The following NOTCH2NLA variants were observed in gnomAD, a reference collection of about 807,000 sequenced individuals.
NOTCH2NLA encodes the protein notch homolog 2 N-terminal-like protein A.
At chr1:146,228,215 G>T (rs1187983385) in intron 1 of NOTCH2NLA, among the ~76,000 whole-genome samples, 3 of 148,962 alleles carry the variant, frequency 2.0e-5, no homozygotes, top group Non-Finnish European at 4.5e-5. Context: ...CCGCCCCCTG[G>T]CAAAGGCGAG....
intron 2 of NOTCH2NLA, among the ~76,000 whole-genome samples, chr1:146,185,158 A>G (rs1263611060): frequency 7.3e-6 from 1 of 137,506 alleles, no homozygotes; most frequent in African/African-American, 2.5e-5. Flanking sequence ...AATAACTACA[A>G]TAAATGTCCT....
intron 1 of NOTCH2NLA, among the ~76,000 whole-genome samples, chr1:146,219,780 G>T (rs1283272360): frequency 5.2e-5 from 2 of 38,102 alleles, no homozygotes; most frequent in Non-Finnish European, 9.5e-5. Flanking sequence ...TATATATGTA[G>T]ATCTGTTCAT....
chr1:146,180,894 G>A (rs201644581), intron 2 of NOTCH2NLA, among the ~76,000 whole-genome samples: 1 of 110,394 alleles, frequency 9.1e-6, no homozygotes, highest in Non-Finnish European at 2.2e-5. Flanking sequence ...AAGGGCAGAT[G>A]TAGACAAAAT....
At chr1:146,219,806 A>T (rs1426855250) in intron 1 of NOTCH2NLA, among the ~76,000 whole-genome samples, 2,167 of 88,340 alleles carry the variant, frequency 0.025, 331 homozygotes, top group African/African-American at 0.059. Flanking sequence ...AAAAAAAAAA[A>T]ATATATATAT....
At chr1:146,207,835 T>TG (rs1663669126) in intron 1 of NOTCH2NLA, among the ~76,000 whole-genome samples, 1 of 78,478 alleles carries the variant, frequency 1.3e-5, no homozygotes, top group East Asian at 2.6e-4. Context: ...TTTTTTTTTT[T>TG]TTTGGAGACA....
chr1:146,228,478 G>A (rs1247014809), intron 1 of NOTCH2NLA: 1 of 550,138 alleles, frequency 1.8e-6, no homozygotes, highest in East Asian at 1.5e-4. Context: ...GCCGCGGGGA[G>A]CAGAGGCGGC....
In NOTCH2NLA at chr1:146,185,938, GAA is replaced by G. The variant is rs1365143134; in HGVS notation, c.38+3360_38+3361del. On this transcript the variant is annotated intron_variant, in intron 2 of 4. Coordinates refer to ENST00000362074, the Ensembl canonical transcript of NOTCH2NLA. ...AGCTAGATCATCTTCTTTCTCCACA[GAA>G]AAAAAGGTAAGGTTGGTGAAAATAC... 2.2e-5 allele frequency among the ~76,000 whole-genome samples: 3 copies of G among 134,904 alleles called. 1 individual carries two copies. Among genetic ancestry groups the G allele is most frequent in the Non-Finnish European group, 5.1e-5 (3 of 58,258 alleles). 88.5% of individuals were successfully genotyped at this position (134,904 alleles called of 152,430 possible). A position where few individuals can be genotyped will look rare whatever the true frequency, so the allele number is the denominator to read the frequency against.
intron 2 of NOTCH2NLA, among the ~76,000 whole-genome samples, chr1:146,182,319 G>A (rs1380619540): frequency 7.5e-6 from 1 of 133,116 alleles, no homozygotes; most frequent in Non-Finnish European, 1.7e-5. Flanking sequence ...CATTTTCCAC[G>A]AGTATATCTC....
chr1:146,157,362 CA>C, intron 3 of NOTCH2NLA, among the ~76,000 whole-genome samples: 1 of 145,168 alleles, frequency 6.9e-6, no homozygotes, highest in Non-Finnish European at 1.5e-5. Context: ...AAGGCTGAGG[CA>C]GAAGAATCAC....
intron 1 of NOTCH2NLA, among the ~76,000 whole-genome samples, chr1:146,200,440 T>A (rs148860068): frequency 0.43 from 4,528 of 10,652 alleles, 1,597 homozygotes; most frequent in East Asian, 0.67. Context: ...AAAAAAAAAA[T>A]ATATATATAT....
At chr1:146,174,400 C>CTTTTT (rs1209878010) in intron 2 of NOTCH2NLA, among the ~76,000 whole-genome samples, 17 of 95,772 alleles carry the variant, frequency 1.8e-4, no homozygotes, top group South Asian at 3.3e-4. Context: ...CTGTCTTTAG[C>CTTTTT]TTTTTTTTTT....
rs1467302062 is a variant in NOTCH2NLA, at chr1:146,197,334, T to TA, written c.-44-7954dup. On this transcript the variant is annotated intron_variant, in intron 1 of 4. Coordinates refer to ENST00000362074, the Ensembl canonical transcript of NOTCH2NLA. ...TATTACTAACAGACTTTTCATACTA[T>TA]AAAAAAATCATTCCAGTTAGCTGAT... Among the ~76,000 whole-genome samples the TA allele has an allele frequency of 8.6e-5, 8 of 92,536 alleles. 2 individuals are homozygous for TA. The highest frequency in any genetic ancestry group is 1.3e-4 in the Non-Finnish European group (6 of 46,084). The allele number at this position is 92,536 out of a possible 152,430, so 60.7% of individuals were successfully genotyped here. A position where few individuals can be genotyped will look rare whatever the true frequency, so the allele number is the denominator to read the frequency against.
intron 2 of NOTCH2NLA, among the ~76,000 whole-genome samples, chr1:146,180,416 CTG>C (rs1662489455): frequency 7.1e-6 from 1 of 140,952 alleles, no homozygotes; most frequent in Admixed American, 7.3e-5. Flanking sequence ...AAGTAGAAGA[CTG>C]TTTAGGAGAA....
intron 3 of NOTCH2NLA, among the ~76,000 whole-genome samples, chr1:146,159,449 GAAAGAAAGAAAGA>G (rs1661374835): frequency 7.5e-6 from 1 of 133,106 alleles, no homozygotes; most frequent in South Asian, 2.5e-4. Flanking sequence ...GAAAGAAAGA[GAAAGAAAGAAAGA>G]AAGGAAGGGA....
At chr1:146,186,859 TA>T (rs1662792051) in intron 2 of NOTCH2NLA, among the ~76,000 whole-genome samples, 3 of 135,742 alleles carry the variant, frequency 2.2e-5, no homozygotes, top group African/African-American at 7.5e-5. Flanking sequence ...GTGAAATAAA[TA>T]AATTTTTTTT....
At chr1:146,207,777 A>C (rs1458671963) in intron 1 of NOTCH2NLA, among the ~76,000 whole-genome samples, 3 of 95,016 alleles carry the variant, frequency 3.2e-5, no homozygotes, top group Admixed American at 1.0e-4. Context: ...TGCAGTAAAG[A>C]ATGTGGCTTT....
At chr1:146,173,038 A>G (rs1311120400) in intron 2 of NOTCH2NLA, among the ~76,000 whole-genome samples, 7 of 151,240 alleles carry the variant, frequency 4.6e-5, no homozygotes, top group African/African-American at 1.7e-4. Flanking sequence ...ATTATCCTTC[A>G]CACCCCAGGA....
At chr1:146,158,505 T>A (rs1661280830) in intron 3 of NOTCH2NLA, among the ~76,000 whole-genome samples, 1 of 150,068 alleles carries the variant, frequency 6.7e-6, no homozygotes, top group African/African-American at 2.4e-5. Context: ...TCATCCTTTT[T>A]TATGGCTGAA....
chr1:146,153,715 T>G (rs1467212594), downstream of NOTCH2NLA: 1 of 151,126 alleles, frequency 6.6e-6, no homozygotes, highest in African/African-American at 2.4e-5. Context: ...CACTGCATTA[T>G]GAAAAGGACT....
Sources: allele counts gnomAD v4.1 joint callset (sites outside exome capture counted in the v4.1 genomes callset), GRCh38; gene constraint gnomAD v4.1.1; transcripts MANE v1.5; gene names NCBI Gene and HGNC (gene_info 2026-07-23, HGNC 2026-07-21).